KCNQ5: variants seen among roughly 807,000 people sequenced by gnomAD.
KCNQ5 encodes potassium voltage-gated channel subfamily Q member 5, also known as potassium voltage-gated channel subfamily KQT member 5.
Under a neutral mutation model 98.2 loss-of-function variants are expected in KCNQ5, and 30 were observed. The ratio of observed to expected loss-of-function variants is 0.31; its 90% CI spans 0.23 to 0.41. The LOEUF is 0.41. Among genes scored for constraint, KCNQ5 ranks in the 10% least tolerant of loss-of-function variants. KCNQ5 has a pLI of 1.00. For missense variants in KCNQ5, 835 were observed against 1,182.5 expected (o/e 0.71, Z 4.31); for synonymous variants, 458 against 449.4 (o/e 1.02, Z -0.24).
intron 1 of KCNQ5, among the ~76,000 whole-genome samples, chr6:72,907,378 T>C (rs537594379): frequency 2.0e-4 from 30 of 152,358 alleles, no homozygotes; most frequent in African/African-American, 7.0e-4. Context: ...TAATCATTTA[T>C]ATTTTTATTT....
At chr6:73,135,743 G>T (rs1333828555) in intron 10 of KCNQ5, 3 of 152,208 alleles carry the variant, frequency 2.0e-5, no homozygotes, top group African/African-American at 4.8e-5. Flanking sequence ...AGTACTAGAT[G>T]CCTTAAACAA....
At position 73,195,596 on chromosome 6, in the gene KCNQ5, A is replaced by G. The variant is rs951005622; in HGVS notation, c.*182A>G. 3 of 753,826 alleles carry G rather than the reference A, an allele frequency of 4.0e-6. No homozygotes were observed. The highest frequency in any genetic ancestry group is 3.9e-4 in the Middle Eastern group (1 of 2,540). The allele number at this position is 753,826 out of a possible 1,614,324, so 46.7% of individuals were successfully genotyped here. Reference sequence around the variant, plus strand: ...CATGTTTAGGGATGGCTAAAATTCCAAGGTGCATCGACATTAACCCACTCA... The same window carrying G: ...CATGTTTAGGGATGGCTAAAATTCCGAGGTGCATCGACATTAACCCACTCA... On this transcript the variant is annotated 3_prime_UTR_variant, in exon 14 of 14. Coordinates refer to ENST00000370398, the MANE Select transcript of KCNQ5 (RefSeq NM_019842.4).
intron 3 of KCNQ5, among the ~76,000 whole-genome samples, chr6:73,070,527 A>G (rs147542304): frequency 2.6e-5 from 4 of 152,294 alleles, no homozygotes; most frequent in East Asian, 1.9e-4. Context: ...TAATAGTCCA[A>G]TGAAGGTGTT....
At chr6:72,626,446 AG>A (rs2098918016) in intron 1 of KCNQ5, among the ~76,000 whole-genome samples, 1 of 152,234 alleles carries the variant, frequency 6.6e-6, no homozygotes, top group Non-Finnish European at 1.5e-5. Context: ...GCCACAAGAA[AG>A]GGTGGTAGAG....
At chr6:72,986,897 T>G (rs941299199) in intron 1 of KCNQ5, 1 of 858,344 alleles carries the variant, frequency 1.2e-6, no homozygotes, top group African/African-American at 1.7e-5. Flanking sequence ...TGCGGACACT[T>G]GCTCAGTGGG....
At chr6:72,666,230 G>A (rs1418267708) in intron 1 of KCNQ5, among the ~76,000 whole-genome samples, 1 of 151,028 alleles carries the variant, frequency 6.6e-6, no homozygotes, top group African/African-American at 2.4e-5. Context: ...AATAAAGAGA[G>A]ATATACATCA....
At chr6:73,123,681 G>A (rs1367079829) in intron 8 of KCNQ5, among the ~76,000 whole-genome samples, 1 of 152,144 alleles carries the variant, frequency 6.6e-6, no homozygotes, top group Non-Finnish European at 1.5e-5. Context: ...AAGCTGCAAA[G>A]GGCAAAACAC....
At chr6:72,998,900 A>C (rs1470279315) in intron 1 of KCNQ5, among the ~76,000 whole-genome samples, 1 of 152,018 alleles carries the variant, frequency 6.6e-6, no homozygotes, top group Non-Finnish European at 1.5e-5. Flanking sequence ...AGCAAAGCCT[A>C]CTCTGTTGAT....
intron 9 of KCNQ5, among the ~76,000 whole-genome samples, chr6:73,125,734 G>A (rs1775954402): frequency 2.0e-5 from 3 of 152,232 alleles, no homozygotes; most frequent in African/African-American, 7.2e-5. Context: ...CGTCTATGAT[G>A]GGAGATAGGC....
chr6:73,074,481 G>T (rs535898730), intron 3 of KCNQ5, among the ~76,000 whole-genome samples: 12 of 152,218 alleles, frequency 7.9e-5, no homozygotes, highest in African/African-American at 2.9e-4. Context: ...GCATATTTTG[G>T]AACTTCAAAC....
At chr6:73,176,248 C>T (rs1778210404) in intron 11 of KCNQ5, among the ~76,000 whole-genome samples, 1 of 152,180 alleles carries the variant, frequency 6.6e-6, no homozygotes. Flanking sequence ...GGATTTCCCC[C>T]TTGCTGTTCT....
At chr6:73,021,483 T>C (rs1770605121) in intron 2 of KCNQ5, among the ~76,000 whole-genome samples, 1 of 152,206 alleles carries the variant, frequency 6.6e-6, no homozygotes, top group Admixed American at 6.5e-5. Context: ...GCTTATTTGT[T>C]ATTGTCTTTC....
chr6:72,804,956 T>C (rs1224417507), intron 1 of KCNQ5, among the ~76,000 whole-genome samples: 1 of 152,168 alleles, frequency 6.6e-6, no homozygotes, highest in Non-Finnish European at 1.5e-5. Context: ...TTGCAATTTG[T>C]ATGTCTTCTT....
At chr6:72,712,467 A>C (rs1769419344) in intron 1 of KCNQ5, among the ~76,000 whole-genome samples, 1 of 152,234 alleles carries the variant, frequency 6.6e-6, no homozygotes, top group African/African-American at 2.4e-5. Flanking sequence ...TCTGTTTGTC[A>C]CTGTTGTCAA....
intron 7 of KCNQ5, among the ~76,000 whole-genome samples, chr6:73,115,603 A>G (rs1305576268): frequency 6.6e-6 from 1 of 152,236 alleles, no homozygotes; most frequent in Non-Finnish European, 1.5e-5. Context: ...TCCAAAAATT[A>G]GAAGACAATG....
intron 10 of KCNQ5, among the ~76,000 whole-genome samples, chr6:73,157,065 C>T (rs1582459497): frequency 6.6e-6 from 1 of 152,182 alleles, no homozygotes; most frequent in Non-Finnish European, 1.5e-5. Flanking sequence ...CCACCGGGGG[C>T]CAGGACCTGT....
chr6:72,786,308 G>C (rs186373472), intron 1 of KCNQ5, among the ~76,000 whole-genome samples: 1 of 152,126 alleles, frequency 6.6e-6, no homozygotes, highest in African/African-American at 2.4e-5. Context: ...TATAAAACGT[G>C]CTTAAATTCT....
At chr6:72,955,951 C>T (rs1315632055) in intron 1 of KCNQ5, among the ~76,000 whole-genome samples, 3 of 151,882 alleles carry the variant, frequency 2.0e-5, no homozygotes, top group Non-Finnish European at 4.4e-5. Context: ...CAAAACAAAC[C>T]CAGTAATTCT....
At chr6:73,095,005 C>T (rs960510061) in intron 5 of KCNQ5, among the ~76,000 whole-genome samples, 1 of 152,160 alleles carries the variant, frequency 6.6e-6, no homozygotes, top group Non-Finnish European at 1.5e-5. Flanking sequence ...CTGTTATTCC[C>T]TGAAATATGT....
Sources: allele counts gnomAD v4.1 joint callset (sites outside exome capture counted in the v4.1 genomes callset), GRCh38; gene constraint gnomAD v4.1.1; transcripts MANE v1.5; gene names NCBI Gene and HGNC (gene_info 2026-07-23, HGNC 2026-07-21).